The following SLC47A2 variants were observed in gnomAD, a reference collection of about 807,000 sequenced individuals.
The protein encoded by SLC47A2 is solute carrier family 47 member 2, also known as multidrug and toxin extrusion protein 2.
SLC47A2 carries 52 observed loss-of-function variants against 67.7 expected under a neutral mutation model. That is an observed-to-expected ratio of 0.77 (90% CI 0.61 to 0.97). The LOEUF is 0.97. Ranked by LOEUF, SLC47A2 falls within the 50% of genes least tolerant of loss-of-function variation. SLC47A2 has a pLI of 0.00. For synonymous variants in SLC47A2, 278 were observed against 292.9 expected, an observed-to-expected ratio of 0.95 and a Z score of 0.52; for missense variants, 676 against 712.3, an observed-to-expected ratio of 0.95 and a Z score of 0.58.
At chr17:19,692,898 C>T (rs79753042) in intron 13 of SLC47A2, among the ~76,000 whole-genome samples, 11,950 of 151,952 alleles carry the variant, frequency 0.079, 611 homozygotes, top group Middle Eastern at 0.12. Context: ...TTTGGGAGGC[C>T]GAGGCAGGTG....
chr17:19,714,090 G>T, intron 3 of SLC47A2, 117 bp from the exon 4 acceptor site: 1 of 1,389,716 alleles, frequency 7.2e-7, no homozygotes, highest in Non-Finnish European at 9.5e-7. Flanking sequence ...GGCGGCCTCT[G>T]GTGACCACAG....
chr17:19,682,494 G>T (rs1423646852), intron 13 of SLC47A2, among the ~76,000 whole-genome samples: 1 of 152,156 alleles, frequency 6.6e-6, no homozygotes, highest in Non-Finnish European at 1.5e-5. Context: ...CTAGCTTCTA[G>T]AATTCCTTCT....
At chr17:19,711,910 T>C (rs113074430) in intron 5 of SLC47A2, among the ~76,000 whole-genome samples, 3,447 of 152,264 alleles carry the variant, frequency 0.023, 129 homozygotes, top group African/African-American at 0.078. Context: ...TAATAAGTTA[T>C]GGCCTAACTA....
At chr17:19,696,212 G>A (rs1045511172) in intron 13 of SLC47A2, among the ~76,000 whole-genome samples, 4 of 150,728 alleles carry the variant, frequency 2.7e-5, no homozygotes, top group Non-Finnish European at 5.9e-5. Context: ...CAGCACTTTG[G>A]GAGGCCGAGG....
intron 13 of SLC47A2, among the ~76,000 whole-genome samples, chr17:19,695,499 CA>C (rs369851386): frequency 0.016 from 904 of 55,394 alleles, 5 homozygotes; most frequent in East Asian, 0.041. Context: ...AAACAAAGAA[CA>C]AAAAAAAAAA....
chr17:19,717,514 G>A (rs952779907), upstream of SLC47A2: 1 of 152,828 alleles, frequency 6.5e-6, no homozygotes, highest in East Asian at 1.9e-4. Context: ...AGGAGAAGGA[G>A]GAGTGAGCGA....
chr17:19,701,759 T>C (rs2085791613), intron 13 of SLC47A2, among the ~76,000 whole-genome samples: 1 of 152,036 alleles, frequency 6.6e-6, no homozygotes, highest in Admixed American at 6.6e-5. Flanking sequence ...TATGGGAGGA[T>C]CACTTGAGCC....
rs115070334 is a variant in SLC47A2, at chr17:19,708,133, C to T, written c.629+169G>A. ...GTGGCTGTCCTCTCACCCAATCAAGCGTCAAACTGAGGTCCCCAAGGGACC... is the reference window on the plus strand; with the variant it reads ...GTGGCTGTCCTCTCACCCAATCAAGTGTCAAACTGAGGTCCCCAAGGGACC... On this transcript the variant is annotated intron_variant, in intron 7 of 16. Transcript: ENST00000433844. 3.2e-4 allele frequency among the ~76,000 whole-genome samples: 48 copies of T among 152,282 alleles called. No homozygotes were observed. The Middle Eastern group carries it at 0.01, about 32-fold the overall frequency.
rs2085950050 is a variant in SLC47A2 at position 19,706,769 on chromosome 17, C to T, written c.728-8G>A. On this transcript the variant is annotated splice_region_variant and splice_polypyrimidine_tract_variant and intron_variant, in intron 8 of 16. Transcript: ENST00000433844. The stretch of plus-strand genomic sequence containing the variant: ...GGCACTGGCTGGACCAACCTGGAAA[C>T]AGAGGCCCCATGAGCTGACAGCCTG... The T allele has an allele frequency of 6.3e-7, 1 of 1,598,928 alleles. No individual in the cohort carries two copies. Among genetic ancestry groups the T allele is most frequent in the Non-Finnish European group, 8.5e-7 (1 of 1,174,630 alleles).
intron 13 of SLC47A2, among the ~76,000 whole-genome samples, chr17:19,693,631 A>ATAATAATAATAATAATAATAT: frequency 6.7e-6 from 1 of 149,410 alleles, no homozygotes; most frequent in Non-Finnish European, 1.5e-5. Flanking sequence ...AATAATAATA[A>ATAATAATAATAATAATAATAT]TAATAAATAA....
chr17:19,682,645 C>T (rs1169201658), intron 13 of SLC47A2, among the ~76,000 whole-genome samples: 1 of 152,234 alleles, frequency 6.6e-6, no homozygotes, highest in Non-Finnish European at 1.5e-5. Context: ...ATCCCCCTAT[C>T]TCCAGATTCT....
At chr17:19,691,431 G>A (rs1197052119) in intron 13 of SLC47A2, among the ~76,000 whole-genome samples, 1 of 152,156 alleles carries the variant, frequency 6.6e-6, no homozygotes, top group African/African-American at 2.4e-5. Context: ...AAAGGAATAG[G>A]ATCCTGTCAC....
chr17:19,693,633 A>AATG (rs2085592949), intron 13 of SLC47A2, among the ~76,000 whole-genome samples: 2 of 149,076 alleles, frequency 1.3e-5, no homozygotes, highest in African/African-American at 4.9e-5. Context: ...TAATAATAAT[A>AATG]ATAAATAAAT....
In SLC47A2 at chr17:19,697,576, T is replaced by G. The variant is rs2085691855; in HGVS notation, c.1164+5029A>C. Among the ~76,000 whole-genome samples, 4 of 152,298 alleles carry G rather than the reference T, an allele frequency of 2.6e-5. No homozygotes were observed. In the South Asian group the frequency reaches 8.3e-4, roughly 32 times the overall value. On this transcript the variant is annotated intron_variant, in intron 13 of 16. Coordinates refer to ENST00000433844, the MANE Select transcript of SLC47A2 (RefSeq NM_001099646.3). ...TACCAAATATTATATTTTCATATTT[T>G]TAAAATTTGTTTTATTTATTTTGTA... is the stretch of plus-strand genomic sequence containing the variant.
At chr17:19,710,954 C>A (rs2152359471) in intron 5 of SLC47A2, among the ~76,000 whole-genome samples, 1 of 151,850 alleles carries the variant, frequency 6.6e-6, no homozygotes, top group East Asian at 2.0e-4. Flanking sequence ...GGATTTCAGG[C>A]ATGCGCCACC....
chr17:19,716,626 C>T (rs1567641499), upstream of SLC47A2: 3 of 1,486,396 alleles, frequency 2.0e-6, no homozygotes, highest in Non-Finnish European at 8.9e-7. Flanking sequence ...GCGAGCCACC[C>T]CCTGCCTGGG....
rs141697421 is a variant in SLC47A2, at chr17:19,704,285, C to T, written c.910-107G>A. On this transcript the variant is annotated intron_variant, in intron 10 of 16. Transcript: ENST00000433844. ...ACGTGAGCGGGAAGGCAGAGCAGAT[C>T]TCAGGCATGCAGTGTAAGAGGCACG... 20 of 850,882 alleles carry T rather than the reference C, an allele frequency of 2.4e-5. No individual in the cohort carries two copies. The Admixed American group carries it at 5.7e-4, about 24-fold the overall frequency. 52.7% of individuals were successfully genotyped at this position (850,882 alleles called of 1,614,324 possible).
At chr17:19,710,275 A>C (rs2086059165) in intron 5 of SLC47A2, among the ~76,000 whole-genome samples, 1 of 152,200 alleles carries the variant, frequency 6.6e-6, no homozygotes, top group African/African-American at 2.4e-5. Context: ...TGGACATACA[A>C]TCACTGACCT....
Position 19,678,665 on chromosome 17 carries a change from T to C in SLC47A2, c.*21A>G, listed in dbSNP as rs761077219. ...ATACTGGGGACAGCCACTCCTGGCT[T>C]TCTATTTCCAAGCTTCTTTGCTAGT... On this transcript the variant is annotated 3_prime_UTR_variant, in exon 17 of 17. Transcript: ENST00000433844. 4 of 1,610,180 alleles carry C rather than the reference T, an allele frequency of 2.5e-6. No homozygotes were observed. Among genetic ancestry groups the C allele is most frequent in the Non-Finnish European group, 2.5e-6 (3 of 1,178,280 alleles).
Sources: allele counts gnomAD v4.1 joint callset (sites outside exome capture counted in the v4.1 genomes callset), GRCh38; gene constraint gnomAD v4.1.1; transcripts MANE v1.5; gene names NCBI Gene and HGNC (gene_info 2026-07-23, HGNC 2026-07-21).